Variants in FAM168A observed in about 807,000 individuals in gnomAD.
FAM168A encodes the protein family with sequence similarity 168 member A.
FAM168A carries 3 observed loss-of-function variants against 28.5 expected under a neutral mutation model. The ratio of observed to expected loss-of-function variants is 0.11; its 90% CI spans 0.05 to 0.27. The LOEUF is 0.27. Among genes scored for constraint, FAM168A ranks in the 10% least tolerant of loss-of-function variants. The probability of loss-of-function intolerance (pLI) is 1.00; values close to 1 mark genes in which losing one functional copy is unlikely to be tolerated. For synonymous variants in FAM168A, 122 were observed against 124.2 expected (o/e 0.98, Z 0.12); for missense variants, 222 against 311.5 (o/e 0.71, Z 2.16).
intron 3 of FAM168A, among the ~76,000 whole-genome samples, chr11:73,426,754 G>A (rs529148077): frequency 2.8e-5 from 4 of 142,138 alleles, no homozygotes; most frequent in Non-Finnish European, 6.1e-5. Flanking sequence ...AAAGGGAAAG[G>A]GATCTTCCCA....
chr11:73,555,064 T>C (rs192566723), intron 1 of FAM168A, among the ~76,000 whole-genome samples: 490 of 152,256 alleles, frequency 3.2e-3, no homozygotes, highest in Middle Eastern at 0.024. Context: ...AGAAAGACAT[T>C]AGCCTAGAGG....
At chr11:73,479,050 G>A (rs964788807) in intron 1 of FAM168A, among the ~76,000 whole-genome samples, 4 of 152,154 alleles carry the variant, frequency 2.6e-5, no homozygotes, top group African/African-American at 9.7e-5. Context: ...TAGAACTTCT[G>A]AGAAGGCTGC....
At chr11:73,578,285 G>A (rs536231019) in intron 1 of FAM168A, among the ~76,000 whole-genome samples, 3 of 152,186 alleles carry the variant, frequency 2.0e-5, no homozygotes, top group Admixed American at 6.5e-5. Context: ...AAATGGGGGG[G>A]ATATGAGGAG....
intron 1 of FAM168A, among the ~76,000 whole-genome samples, chr11:73,516,782 T>C (rs7115055): frequency 0.078 from 11,852 of 152,270 alleles, 563 homozygotes; most frequent in Non-Finnish European, 0.11. Flanking sequence ...AATGAGTCAA[T>C]GGACCTCTGG....
At chr11:73,457,199 G>GT (rs1867548310) in intron 2 of FAM168A, among the ~76,000 whole-genome samples, 1 of 151,516 alleles carries the variant, frequency 6.6e-6, no homozygotes, top group Non-Finnish European at 1.5e-5. Flanking sequence ...ATCAGCCTAG[G>GT]TAACAGAGAG....
chr11:73,433,304 C>T (rs1867029681), intron 2 of FAM168A, among the ~76,000 whole-genome samples: 2 of 151,462 alleles, frequency 1.3e-5, no homozygotes, highest in Admixed American at 6.6e-5. Flanking sequence ...AGATGTATTA[C>T]TTACAAATAT....
At chr11:73,527,167 T>C (rs1228165851) in intron 1 of FAM168A, among the ~76,000 whole-genome samples, 1 of 152,156 alleles carries the variant, frequency 6.6e-6, no homozygotes, top group Non-Finnish European at 1.5e-5. Flanking sequence ...GGTTTTGAAC[T>C]GCAACTCAGC....
intron 1 of FAM168A, among the ~76,000 whole-genome samples, chr11:73,486,123 C>T (rs1868049993): frequency 6.6e-6 from 1 of 152,176 alleles, no homozygotes; most frequent in Non-Finnish European, 1.5e-5. Context: ...GTATGGTTGA[C>T]TTAGTTTAGA....
intron 1 of FAM168A, among the ~76,000 whole-genome samples, chr11:73,524,522 C>T (rs963122649): frequency 1.3e-5 from 2 of 150,050 alleles, no homozygotes; most frequent in Non-Finnish European, 3.0e-5. Flanking sequence ...TATTTCTTTC[C>T]TCTTCTATTT....
chr11:73,410,330 C>T (rs1866585959), intron 5 of FAM168A, among the ~76,000 whole-genome samples: 1 of 151,984 alleles, frequency 6.6e-6, no homozygotes, highest in Admixed American at 6.6e-5. Flanking sequence ...ATGGCTTGAA[C>T]CCGGGAGGCG....
intron 1 of FAM168A, among the ~76,000 whole-genome samples, chr11:73,470,807 A>T (rs1386507134): frequency 6.6e-6 from 1 of 152,260 alleles, no homozygotes; most frequent in Non-Finnish European, 1.5e-5. Context: ...AGTGCTAAGC[A>T]GTACAACTTA....
chr11:73,511,507 G>A (rs1468483328), intron 1 of FAM168A, among the ~76,000 whole-genome samples: 1 of 150,334 alleles, frequency 6.7e-6, no homozygotes, highest in African/African-American at 2.5e-5. Flanking sequence ...AAAGTGCTGG[G>A]ATTACAGGCA....
At chr11:73,567,275 G>C (rs1171411717) in intron 1 of FAM168A, among the ~76,000 whole-genome samples, 5 of 152,162 alleles carry the variant, frequency 3.3e-5, no homozygotes, top group African/African-American at 1.2e-4. Context: ...TTGAGTGACT[G>C]AGAAAATGGT....
At chr11:73,527,960 T>C (rs74365058) in intron 1 of FAM168A, among the ~76,000 whole-genome samples, 2,410 of 152,208 alleles carry the variant, frequency 0.016, 63 homozygotes, top group African/African-American at 0.056. Context: ...TCAATAATGA[T>C]AGTACCAAAA....
chr11:73,541,612 C>T (rs924193716), intron 1 of FAM168A, among the ~76,000 whole-genome samples: 1 of 152,090 alleles, frequency 6.6e-6, no homozygotes, highest in African/African-American at 2.4e-5. Flanking sequence ...ACTTGTGATC[C>T]GCCCACCTCA....
chr11:73,499,690 T>C (rs1710462801), intron 1 of FAM168A, among the ~76,000 whole-genome samples: 1 of 152,058 alleles, frequency 6.6e-6, no homozygotes, highest in Non-Finnish European at 1.5e-5. Flanking sequence ...AACCACCTGA[T>C]GGAGCTGAAA....
chr11:73,421,111 T>G (rs1380245955), intron 3 of FAM168A, among the ~76,000 whole-genome samples: 1 of 152,010 alleles, frequency 6.6e-6, no homozygotes, highest in East Asian at 1.9e-4. Flanking sequence ...TATAGTATAT[T>G]AGCAGAAGGT....
intron 1 of FAM168A, among the ~76,000 whole-genome samples, chr11:73,565,464 A>G (rs1944010892): frequency 6.6e-6 from 1 of 152,176 alleles, no homozygotes; most frequent in African/African-American, 2.4e-5. Flanking sequence ...TAGGGTTTGC[A>G]TCTATCTCTA....
chr11:73,415,505 A>G (rs11235745), intron 4 of FAM168A, among the ~76,000 whole-genome samples: 7,258 of 152,284 alleles, frequency 0.048, 545 homozygotes, highest in African/African-American at 0.16. Flanking sequence ...CCTCTCAGGG[A>G]ATATCCTCAT....
Sources: gnomAD v4.1 joint callset for allele counts (sites outside exome capture counted in the v4.1 genomes callset) on GRCh38, gnomAD v4.1.1 for gene constraint, MANE v1.5 for transcripts, NCBI Gene and HGNC (gene_info 2026-07-23, HGNC 2026-07-21) for gene names.